EFCAB5: variants seen among roughly 807,000 people sequenced by gnomAD.
The protein encoded by EFCAB5 is EF-hand calcium binding domain 5, also known as EF-hand calcium-binding domain-containing protein 5.
Under a neutral mutation model 167.9 loss-of-function variants are expected in EFCAB5, and 131 were observed. The ratio of observed to expected loss-of-function variants is 0.78; its 90% CI spans 0.68 to 0.90. The LOEUF is 0.90. EFCAB5 is among the 40% of genes least tolerant of loss of function. The pLI, the probability that EFCAB5 is intolerant of heterozygous loss-of-function variation, is 0.00. For synonymous variants in EFCAB5, 574 were observed against 602.8 expected, an observed-to-expected ratio of 0.95 and a Z score of 0.70; for missense variants, 1,663 against 1,745.2, an observed-to-expected ratio of 0.95 and a Z score of 0.84.
At chr17:30,059,921 C>A in intron 14 of EFCAB5, 1 of 261,798 alleles carries the variant, frequency 3.8e-6, no homozygotes, top group Non-Finnish European at 6.9e-6. Context: ...TTCCTGGGAT[C>A]CAGTGATCCT....
chr17:29,999,642 A>T (rs982237077), intron 6 of EFCAB5, among the ~76,000 whole-genome samples: 1 of 152,110 alleles, frequency 6.6e-6, no homozygotes, highest in Non-Finnish European at 1.5e-5. Flanking sequence ...ATTGATGTGC[A>T]TATTTATTTC....
At chr17:29,942,208 G>A in intron 1 of EFCAB5, 32 bp from the exon 2 acceptor site, 1 of 1,544,082 alleles carries the variant, frequency 6.5e-7, no homozygotes, top group Non-Finnish European at 8.7e-7. Context: ...GCTCTTTTTG[G>A]ATGCCATTTA....
chr17:30,087,106 T>C lies in EFCAB5; in HGVS notation c.3623T>C (p.Leu1208Pro), dbSNP rs970233237. Residue 1208 changes from leucine (L) to proline (P), a missense_variant, in exon 19 of 23, where the codon CTG (leucine) becomes CCG (proline). Coordinates refer to ENST00000394835, the MANE Select transcript of EFCAB5 (RefSeq NM_198529.4). Reference protein sequence around the residue: ...VLRNMMVTGQLGLTEIHKNPP... With the variant: ...VLRNMMVTGQPGLTEIHKNPP... The stretch of plus-strand genomic sequence containing the variant: ...CGCAACATGATGGTTACAGGGCAGC[T>C]GGGTCTAACAGAAATCCACAAAAAT... 20 of 1,613,652 alleles carry C rather than the reference T, an allele frequency of 1.2e-5. No individual in the cohort carries two copies. The highest frequency in any genetic ancestry group is 1.7e-5 in the Admixed American group (1 of 60,002).
At chr17:30,041,692 G>A (rs1292755134) in intron 8 of EFCAB5, among the ~76,000 whole-genome samples, 1 of 152,184 alleles carries the variant, frequency 6.6e-6, no homozygotes, top group Admixed American at 6.5e-5. Flanking sequence ...ATGCTACAGA[G>A]AAATCCTTCA....
upstream of EFCAB5, among the ~76,000 whole-genome samples, chr17:29,937,748 G>A (rs373935678): frequency 6.6e-6 from 1 of 152,114 alleles, no homozygotes; most frequent in African/African-American, 2.4e-5. Flanking sequence ...AATCACCACA[G>A]GGTGGTTCTA....
intron 14 of EFCAB5, among the ~76,000 whole-genome samples, chr17:30,061,298 A>G (rs2070418773): frequency 6.6e-6 from 1 of 152,234 alleles, no homozygotes; most frequent in South Asian, 2.1e-4. Context: ...TGATGGCAGT[A>G]TGGAAGAAAA....
chr17:29,955,025 C>T (rs2067585464), intron 3 of EFCAB5, among the ~76,000 whole-genome samples: 1 of 152,190 alleles, frequency 6.6e-6, no homozygotes, highest in South Asian at 2.1e-4. Flanking sequence ...TGGATGTATA[C>T]CCAATGCCTG....
intron 1 of EFCAB5, among the ~76,000 whole-genome samples, chr17:29,933,633 AC>A (rs1158801724): frequency 1.3e-5 from 2 of 152,210 alleles, no homozygotes; most frequent in African/African-American, 4.8e-5. Context: ...GCCTGGTTGT[AC>A]CACTGGAGTC....
In EFCAB5 at chr17:29,960,742, G is replaced by A. The variant is rs533786429; in HGVS notation, c.191-8049G>A. On this transcript the variant is annotated intron_variant, in intron 3 of 22. Transcript: ENST00000394835. ...ATACTGCTGCCATGAACACTGATGT[G>A]CAAGTATCTGGGCCCCTGCTTTCAA... Among the ~76,000 whole-genome samples, 4 of 152,250 alleles carry A rather than the reference G, an allele frequency of 2.6e-5. No homozygotes were observed. In the East Asian group the frequency reaches 7.7e-4, roughly 29 times the overall value.
chr17:29,955,505 C>A (rs2067596368), intron 3 of EFCAB5, among the ~76,000 whole-genome samples: 1 of 152,112 alleles, frequency 6.6e-6, no homozygotes, highest in Non-Finnish European at 1.5e-5. Context: ...TGTGAGGCCT[C>A]CCCAGCCACG....
At chr17:29,952,088 C>G (rs1287395749) in intron 3 of EFCAB5, among the ~76,000 whole-genome samples, 1 of 152,158 alleles carries the variant, frequency 6.6e-6, no homozygotes, top group African/African-American at 2.4e-5. Context: ...AGTTTCATGT[C>G]TGGTAAGGGC....
intron 14 of EFCAB5, among the ~76,000 whole-genome samples, chr17:30,067,699 G>A (rs960707700): frequency 1.3e-5 from 2 of 152,058 alleles, no homozygotes; most frequent in Admixed American, 6.5e-5. Flanking sequence ...ACACAAGAAA[G>A]GCCATACATA....
At chr17:30,036,530 A>G (rs1567730577) in intron 8 of EFCAB5, among the ~76,000 whole-genome samples, 1 of 151,490 alleles carries the variant, frequency 6.6e-6, no homozygotes, top group Non-Finnish European at 1.5e-5. Context: ...TCTGGGTTCA[A>G]GTAATCCCCC....
upstream of EFCAB5, among the ~76,000 whole-genome samples, chr17:29,937,384 A>G (rs533923304): frequency 3.3e-5 from 5 of 152,032 alleles, no homozygotes; most frequent in African/African-American, 1.2e-4. Flanking sequence ...ACGGGGTTTC[A>G]CCATGTTGAC....
chr17:29,956,590 C>T (rs140514031), intron 3 of EFCAB5, among the ~76,000 whole-genome samples: 20 of 152,292 alleles, frequency 1.3e-4, no homozygotes, highest in African/African-American at 4.6e-4. Flanking sequence ...GGTTACAGTT[C>T]ACTATGTATG....
At chr17:30,069,125 T>C (rs1344769501) in intron 14 of EFCAB5, 1 of 1,526,520 alleles carries the variant, frequency 6.6e-7, no homozygotes, top group East Asian at 2.3e-5. Context: ...AAGAAAAGAA[T>C]ATCTAAGCTG....
chr17:30,005,120 A>G (rs1467252857), intron 7 of EFCAB5, among the ~76,000 whole-genome samples: 1 of 152,140 alleles, frequency 6.6e-6, no homozygotes, highest in Non-Finnish European at 1.5e-5. Flanking sequence ...TTTAGTATAT[A>G]TTTGTCAAAT....
chr17:30,053,448 A>T lies in EFCAB5; in HGVS notation c.1494A>T (p.Thr498=). The change falls in exon 10 of 23, where the codon ACA becomes ACT. Residue 498 remains threonine (T), a synonymous_variant. Coordinates refer to ENST00000394835, the MANE Select transcript of EFCAB5 (RefSeq NM_198529.4). ...PDQPKLNEQR[T]STPSPNPPEQ... ...AACCTAAACTTAACGAACAGAGAAC[A>T]TCAACACCATCACCAAACCCGCCAG... 5.0e-6 allele frequency: 8 copies of T among 1,614,054 alleles called. No homozygotes were observed. The highest frequency in any genetic ancestry group is 6.8e-6 in the Non-Finnish European group (8 of 1,179,904).
At chr17:30,052,005 TG>T (rs1165063454) in intron 9 of EFCAB5, among the ~76,000 whole-genome samples, 1 of 152,072 alleles carries the variant, frequency 6.6e-6, no homozygotes, top group Non-Finnish European at 1.5e-5. Flanking sequence ...TTTTCAGAGA[TG>T]GGGTCTTGCT....
Sources: allele counts gnomAD v4.1 joint callset (sites outside exome capture counted in the v4.1 genomes callset), GRCh38; gene constraint gnomAD v4.1.1; transcripts MANE v1.5; gene names NCBI Gene and HGNC (gene_info 2026-07-23, HGNC 2026-07-21).